Variants in PCDHA3 observed in about 807,000 individuals in gnomAD.
The protein encoded by PCDHA3 is protocadherin alpha 3.
PCDHA3 carries 41 observed loss-of-function variants against 62.2 expected under a neutral mutation model. The observed-to-expected ratio is 0.66, with a 90% confidence interval of 0.51 to 0.86. The LOEUF (loss-of-function observed/expected upper bound fraction) is 0.86. Ranked by LOEUF, PCDHA3 falls within the 40% of genes least tolerant of loss-of-function variation. The pLI is 0.00. For synonymous variants in PCDHA3, 640 were observed against 555.4 expected (o/e 1.15, Z -2.14); for missense variants, 1,304 against 1,241.2 (o/e 1.05, Z -0.76).
At chr5:140,823,023 C>T (rs148202782) in intron 1 of PCDHA3, 35 of 1,614,106 alleles carry the variant, frequency 2.2e-5, no homozygotes, top group African/African-American at 4.0e-5. Context: ...ACCGCGAGAG[C>T]GTGTCGGTCT....
intron 3 of PCDHA3, among the ~76,000 whole-genome samples, chr5:140,986,372 G>C (rs570215048): frequency 2.1e-4 from 32 of 152,248 alleles, no homozygotes; most frequent in Admixed American, 5.2e-4. Context: ...ATGCGTTTTG[G>C]GGGGAGGGAC....
chr5:140,813,507 A>T (rs2126647034), intron 1 of PCDHA3: 1 of 152,320 alleles, frequency 6.6e-6, no homozygotes, highest in African/African-American at 2.4e-5. Flanking sequence ...TACAGTAAAA[A>T]CATTGTACAG....
chr5:140,978,702 T>G (rs1200035752), intron 1 of PCDHA3, among the ~76,000 whole-genome samples: 2 of 152,252 alleles, frequency 1.3e-5, no homozygotes, highest in Non-Finnish European at 2.9e-5. Context: ...AAGCCAAAGG[T>G]GGCCTTTACA....
intron 1 of PCDHA3, among the ~76,000 whole-genome samples, chr5:140,901,260 T>G (rs1554189701): frequency 1.3e-5 from 2 of 152,190 alleles, no homozygotes; most frequent in African/African-American, 2.4e-5. Flanking sequence ...CCTGTGATTG[T>G]GGGGTATTAC....
intron 1 of PCDHA3, chr5:140,830,799 G>A (rs1297330386): frequency 6.3e-6 from 1 of 158,848 alleles, no homozygotes; most frequent in African/African-American, 2.4e-5. Flanking sequence ...AATTATATGG[G>A]ATTTTCATTT....
intron 1 of PCDHA3, chr5:140,848,534 T>C (rs2150412178): frequency 6.3e-7 from 1 of 1,595,182 alleles, no homozygotes; most frequent in Non-Finnish European, 8.6e-7. Flanking sequence ...AGGGTCAGCC[T>C]CTACTGCTCT....
intron 1 of PCDHA3, among the ~76,000 whole-genome samples, chr5:140,845,274 T>C (rs1779779803): frequency 6.7e-6 from 1 of 149,592 alleles, no homozygotes; most frequent in South Asian, 2.1e-4. Flanking sequence ...TTTGTGAAAG[T>C]AATATTTCCT....
At chr5:140,994,864 G>A (rs2097653681) in intron 3 of PCDHA3, among the ~76,000 whole-genome samples, 1 of 152,114 alleles carries the variant, frequency 6.6e-6, no homozygotes, top group Non-Finnish European at 1.5e-5. Context: ...TGATGGATGT[G>A]GTAGAATAAA....
chr5:140,885,642 A>G (rs2060672494), intron 1 of PCDHA3, among the ~76,000 whole-genome samples: 1 of 152,170 alleles, frequency 6.6e-6, no homozygotes, highest in Non-Finnish European at 1.5e-5. Flanking sequence ...CCTTCCAAGT[A>G]TTTTGGAACC....
At chr5:140,805,456 T>G (rs2149984898) in intron 1 of PCDHA3, 1 of 1,026,082 alleles carries the variant, frequency 9.7e-7, no homozygotes, top group African/African-American at 1.7e-5. Flanking sequence ...TGTGTTTGTG[T>G]GAGTGTAGTT....
At chr5:140,893,763 TG>T (rs1554185760) in intron 1 of PCDHA3, among the ~76,000 whole-genome samples, 1 of 152,156 alleles carries the variant, frequency 6.6e-6, no homozygotes, top group African/African-American at 2.4e-5. Flanking sequence ...ATAGGTGACT[TG>T]TCACTTTTCT....
intron 1 of PCDHA3, among the ~76,000 whole-genome samples, chr5:140,931,261 A>G (rs1455233876): frequency 6.6e-6 from 1 of 152,152 alleles, no homozygotes; most frequent in African/African-American, 2.4e-5. Flanking sequence ...AAATTTCACT[A>G]TTTATTTCTT....
At chr5:140,813,645 A>C (rs183408897) in intron 1 of PCDHA3, 1 of 152,312 alleles carries the variant, frequency 6.6e-6, no homozygotes, top group Non-Finnish European at 1.5e-5. Context: ...ATTACTGTGC[A>C]CTAATGTAGA....
At chr5:140,822,574 G>A in intron 1 of PCDHA3, 1 of 1,611,088 alleles carries the variant, frequency 6.2e-7, no homozygotes, top group Non-Finnish European at 8.5e-7. Context: ...GAACGCCTCA[G>A]ATGCAGATGA....
intron 1 of PCDHA3, among the ~76,000 whole-genome samples, chr5:140,957,854 T>C (rs2095390646): frequency 6.6e-6 from 1 of 151,872 alleles, no homozygotes; most frequent in Non-Finnish European, 1.5e-5. Context: ...GTTTGTGTAT[T>C]TTTTTTCCTA....
chr5:140,985,018 A>G (rs1384418667), intron 3 of PCDHA3, among the ~76,000 whole-genome samples: 2 of 152,026 alleles, frequency 1.3e-5, no homozygotes, highest in Non-Finnish European at 2.9e-5. Flanking sequence ...GCTCACAGCA[A>G]CCTCTGCCTC....
rs1209791227 is a variant in PCDHA3, at chr5:140,923,921, C to A, written c.2395-55028C>A. Among the ~76,000 whole-genome samples, 3 of 152,180 alleles carry A rather than the reference C, an allele frequency of 2.0e-5. No individual in the cohort carries two copies. The East Asian group carries it at 5.8e-4, about 29-fold the overall frequency. On this transcript the variant is annotated intron_variant, in intron 1 of 3. Transcript: ENST00000522353. ...TTCTGTGAAGATTTCCCATACTGTT[C>A]TCTGTATGCATTTTTCCTTTTTTCC...
At chr5:140,839,159 T>C (rs781039323) in intron 1 of PCDHA3, among the ~76,000 whole-genome samples, 1 of 96,652 alleles carries the variant, frequency 1.0e-5, no homozygotes, top group Admixed American at 9.7e-5. Flanking sequence ...GCTGCTCTTG[T>C]TGAAAGATAT....
At chr5:140,850,274 G>A in intron 1 of PCDHA3, 1 of 1,595,442 alleles carries the variant, frequency 6.3e-7, no homozygotes, top group Non-Finnish European at 8.6e-7. Context: ...TGGTGGGGAA[G>A]GTGCGCGCAG....
Sources: gnomAD v4.1 joint callset for allele counts (sites outside exome capture counted in the v4.1 genomes callset) on GRCh38, gnomAD v4.1.1 for gene constraint, MANE v1.5 for transcripts, NCBI Gene and HGNC (gene_info 2026-07-23, HGNC 2026-07-21) for gene names.